The following FUT8 variants were observed in gnomAD, a reference collection of about 807,000 sequenced individuals.
FUT8 encodes the protein fucosyltransferase 8.
In FUT8, 29 loss-of-function variants were observed where a neutral mutation model predicts 71.3. That is an observed-to-expected ratio of 0.41 (90% CI 0.30 to 0.55). FUT8 has a LOEUF of 0.55. Ranked by LOEUF, FUT8 falls within the 20% of genes least tolerant of loss-of-function variation. FUT8 has a pLI of 0.34. For missense variants in FUT8, 544 were observed against 702.1 expected (o/e 0.77, Z 2.55); for synonymous variants, 254 against 239.3 (o/e 1.06, Z -0.57).
intron 3 of FUT8, among the ~76,000 whole-genome samples, chr14:65,593,985 C>T (rs981885531): frequency 1.3e-5 from 2 of 152,260 alleles, no homozygotes; most frequent in East Asian, 3.8e-4. Context: ...GCTGGGATTA[C>T]AGGCATGAGC....
chr14:65,504,628 G>C (rs928994293), intron 2 of FUT8, among the ~76,000 whole-genome samples: 10 of 152,198 alleles, frequency 6.6e-5, no homozygotes, highest in African/African-American at 2.4e-4. Context: ...TCTTTCCATA[G>C]TGTCTCCTCA....
At chr14:65,386,084 G>A in the FUT8 span, among the ~76,000 whole-genome samples, 25 of 151,084 alleles carry the variant, frequency 1.7e-4, no homozygotes, top group South Asian at 3.6e-3. Flanking sequence ...CCCAGGAGGC[G>A]GAGGTTGCAG....
At chr14:65,471,923 C>T (rs7141367) in intron 2 of FUT8, among the ~76,000 whole-genome samples, 126,127 of 152,116 alleles carry the variant, frequency 0.83, 52,559 homozygotes, top group East Asian at 1. Context: ...AGAATTTTAT[C>T]TCTTTCTGAC....
intron 2 of FUT8, among the ~76,000 whole-genome samples, chr14:65,473,075 G>A (rs375908544): frequency 6.6e-6 from 1 of 151,970 alleles, no homozygotes; most frequent in Non-Finnish European, 1.5e-5. Context: ...TGGTATATGT[G>A]CCTTTTAGTC....
intron 9 of FUT8, among the ~76,000 whole-genome samples, chr14:65,724,979 G>A (rs982993995): frequency 1.2e-4 from 18 of 152,100 alleles, no homozygotes; most frequent in Admixed American, 5.9e-4. Context: ...GAATTTGTGC[G>A]AATGTAAACG....
intron 7 of FUT8, among the ~76,000 whole-genome samples, chr14:65,711,460 A>G (rs1471233643): frequency 6.6e-6 from 1 of 152,198 alleles, no homozygotes; most frequent in Non-Finnish European, 1.5e-5. Context: ...ATGGTCATAT[A>G]TGAGACTAGG....
chr14:65,496,075 A>G (rs1242116515), intron 2 of FUT8, among the ~76,000 whole-genome samples: 5 of 152,204 alleles, frequency 3.3e-5, no homozygotes, highest in African/African-American at 1.2e-4. Context: ...TGAAGTAAAT[A>G]CTAATTATGT....
intron 6 of FUT8, among the ~76,000 whole-genome samples, chr14:65,663,293 A>ATTG (rs1261200177): frequency 3.3e-5 from 5 of 152,084 alleles, no homozygotes; most frequent in Non-Finnish European, 7.4e-5. Context: ...TGAATAACAA[A>ATTG]GGCTTAGCTC....
At chr14:65,562,406 G>A (rs541095499) in intron 3 of FUT8, among the ~76,000 whole-genome samples, 1 of 152,108 alleles carries the variant, frequency 6.6e-6, no homozygotes, top group South Asian at 2.1e-4. Flanking sequence ...TCTGGAATGC[G>A]GAGAATGATT....
chr14:65,488,092 G>T (rs1310860468), intron 2 of FUT8, among the ~76,000 whole-genome samples: 8 of 152,160 alleles, frequency 5.3e-5, no homozygotes, highest in Admixed American at 1.3e-4. Context: ...AAAGTGCTGA[G>T]ATTAGGGGCG....
At chr14:65,462,611 T>C (rs2065984018) in intron 2 of FUT8, among the ~76,000 whole-genome samples, 1 of 152,238 alleles carries the variant, frequency 6.6e-6, no homozygotes, top group Admixed American at 6.5e-5. Context: ...CTATTGAATT[T>C]TCTTTGCGTT....
At chr14:65,504,209 G>C (rs2066690422) in intron 2 of FUT8, among the ~76,000 whole-genome samples, 1 of 152,050 alleles carries the variant, frequency 6.6e-6, no homozygotes, top group African/African-American at 2.4e-5. Context: ...TTAACTGTAT[G>C]GATTAAAAAT....
At chr14:65,408,233 A>G (rs1368321345), upstream of FUT8, among the ~76,000 whole-genome samples, 1 of 152,068 alleles carries the variant, frequency 6.6e-6, no homozygotes, top group Non-Finnish European at 1.5e-5. Context: ...CGATACTTTC[A>G]AGATAATACT....
At chr14:65,737,719 G>T (rs1366137048) in intron 10 of FUT8, among the ~76,000 whole-genome samples, 2 of 152,102 alleles carry the variant, frequency 1.3e-5, no homozygotes, top group African/African-American at 4.8e-5. Context: ...TTAAAGAGCA[G>T]TTAATGTTAC....
chr14:65,542,235 G>A (rs1039609081), intron 2 of FUT8, among the ~76,000 whole-genome samples: 1 of 152,166 alleles, frequency 6.6e-6, no homozygotes, highest in Non-Finnish European at 1.5e-5. Flanking sequence ...ACAAAGTAAT[G>A]CAGGTTCGGA....
At chr14:65,381,164 A>G in the FUT8 span, among the ~76,000 whole-genome samples, 3 of 152,338 alleles carry the variant, frequency 2.0e-5, no homozygotes, top group African/African-American at 4.8e-5. Flanking sequence ...ATTTAACACT[A>G]TCTTTTTGAA....
At chr14:65,437,649 T>C (rs1360566281) in intron 1 of FUT8, among the ~76,000 whole-genome samples, 1 of 152,372 alleles carries the variant, frequency 6.6e-6, no homozygotes, top group South Asian at 2.1e-4. Flanking sequence ...AAAATGAGAA[T>C]ATTTGAGGTC....
At chr14:65,431,661 CT>C (rs11321643) in intron 1 of FUT8, among the ~76,000 whole-genome samples, 125,288 of 143,742 alleles carry the variant, frequency 0.87, 55,025 homozygotes, top group East Asian at 0.99. Flanking sequence ...TGTAGGTTCA[CT>C]TTTTTTTTTT....
chr14:65,398,156 C>T, the FUT8 span, among the ~76,000 whole-genome samples: 1 of 152,014 alleles, frequency 6.6e-6, no homozygotes, highest in Non-Finnish European at 1.5e-5. Flanking sequence ...GACCTCCAGA[C>T]ATTATATTTA....
Sources: gnomAD v4.1 joint callset for allele counts (sites outside exome capture counted in the v4.1 genomes callset) on GRCh38, gnomAD v4.1.1 for gene constraint, MANE v1.5 for transcripts, NCBI Gene and HGNC (gene_info 2026-07-23, HGNC 2026-07-21) for gene names.